The following PDE4D variants were observed in gnomAD, a reference collection of about 807,000 sequenced individuals.
PDE4D encodes phosphodiesterase 4D.
In PDE4D, 24 loss-of-function variants were observed where a neutral mutation model predicts 87.4. That is an observed-to-expected ratio of 0.27 (90% confidence interval 0.20 to 0.39). PDE4D has a LOEUF of 0.39. Among genes scored for constraint, PDE4D ranks in the 10% least tolerant of loss-of-function variants. The probability of loss-of-function intolerance (pLI) is 1.00; values close to 1 mark genes in which losing one functional copy is unlikely to be tolerated. For synonymous variants in PDE4D, 384 were observed against 383.2 expected (o/e 1.00, Z -0.02); for missense variants, 714 against 1,041.0 (o/e 0.69, Z 4.32).
intron 1 of PDE4D, among the ~76,000 whole-genome samples, chr5:60,378,717 G>A (rs1194285904): frequency 6.6e-6 from 1 of 151,984 alleles, no homozygotes; most frequent in African/African-American, 2.4e-5. Flanking sequence ...CCAGGGCATG[G>A]TGGTGCCCAT....
chr5:60,185,106 A>AC (rs1784678813), intron 2 of PDE4D, among the ~76,000 whole-genome samples: 1 of 152,204 alleles, frequency 6.6e-6, no homozygotes, highest in African/African-American at 2.4e-5. Context: ...AGAAGAAATT[A>AC]GAGATATATG....
chr5:60,123,368 C>T (rs1778855989), intron 2 of PDE4D, among the ~76,000 whole-genome samples: 1 of 152,128 alleles, frequency 6.6e-6, no homozygotes, highest in African/African-American at 2.4e-5. Flanking sequence ...TGGACTTACA[C>T]TTCCACATGG....
chr5:59,600,270 C>T (rs1277135715), intron 1 of PDE4D, among the ~76,000 whole-genome samples: 1 of 152,192 alleles, frequency 6.6e-6, no homozygotes, highest in Non-Finnish European at 1.5e-5. Context: ...CACGGCACTA[C>T]TCAGTTCTCT....
At chr5:59,541,679 T>G (rs181430640) in intron 1 of PDE4D, among the ~76,000 whole-genome samples, 1 of 152,202 alleles carries the variant, frequency 6.6e-6, no homozygotes, top group African/African-American at 2.4e-5. Flanking sequence ...ACATATATTA[T>G]CAATGGGATT....
chr5:58,978,475 A>G (rs1744337596), intron 11 of PDE4D, among the ~76,000 whole-genome samples: 1 of 151,842 alleles, frequency 6.6e-6, no homozygotes, highest in African/African-American at 2.4e-5. Flanking sequence ...CTTTTTTCTA[A>G]CGAATGCATA....
chr5:60,510,631 T>C (rs944089279), intron 1 of PDE4D, among the ~76,000 whole-genome samples: 29 of 152,150 alleles, frequency 1.9e-4, no homozygotes, highest in Non-Finnish European at 4.0e-4. Context: ...GTGATACAGC[T>C]GGAAGGGCAA....
chr5:60,510,178 C>T (rs1381717039), intron 1 of PDE4D, among the ~76,000 whole-genome samples: 1 of 152,194 alleles, frequency 6.6e-6, no homozygotes, highest in Non-Finnish European at 1.5e-5. Flanking sequence ...TAAGCAGCAG[C>T]TGCTGGGAGA....
chr5:59,916,323 G>A (rs992137504), intron 3 of PDE4D, among the ~76,000 whole-genome samples: 4 of 152,100 alleles, frequency 2.6e-5, no homozygotes, highest in African/African-American at 4.8e-5. Context: ...ATATACAACC[G>A]TATTACAAGA....
At chr5:60,238,513 T>C (rs1263123420) in intron 1 of PDE4D, among the ~76,000 whole-genome samples, 1 of 152,010 alleles carries the variant, frequency 6.6e-6, no homozygotes, top group East Asian at 1.9e-4. Flanking sequence ...GTTTTACCAA[T>C]TTATTCTTAT....
chr5:60,312,309 C>A (rs1755116305), intron 1 of PDE4D, among the ~76,000 whole-genome samples: 1 of 152,196 alleles, frequency 6.6e-6, no homozygotes, highest in South Asian at 2.1e-4. Flanking sequence ...TAAAACAATT[C>A]TTAGCAAGTT....
At chr5:59,189,742 A>C (rs1743894860) in intron 3 of PDE4D, among the ~76,000 whole-genome samples, 1 of 152,224 alleles carries the variant, frequency 6.6e-6, no homozygotes, top group African/African-American at 2.4e-5. Flanking sequence ...CCACACCAAA[A>C]GATTTCAACA....
intron 1 of PDE4D, among the ~76,000 whole-genome samples, chr5:60,297,574 T>C (rs1045414261): frequency 7.2e-5 from 11 of 152,212 alleles, no homozygotes; most frequent in African/African-American, 2.4e-4. Context: ...AACTCAATCT[T>C]CTGGGAGAAA....
At chr5:60,049,011 C>T (rs1769718221) in intron 2 of PDE4D, among the ~76,000 whole-genome samples, 1 of 152,170 alleles carries the variant, frequency 6.6e-6, no homozygotes, top group African/African-American at 2.4e-5. Flanking sequence ...ACCAATCAGA[C>T]ATAGATTTGG....
rs117928687 is a variant in PDE4D at position 60,467,744 on chromosome 5, G to T, written c.-90+20198C>A. Among the ~76,000 whole-genome samples, 471 of 152,290 alleles carry T rather than the reference G, an allele frequency of 3.1e-3. 3 individuals carry two copies. Among genetic ancestry groups the T allele is most frequent in the East Asian group, 0.015 (80 of 5,184 alleles). On this transcript the variant is annotated intron_variant, in intron 1 of 16. Transcript: ENST00000502484. ...GCTTAACAGGAAGCATGACTTGGGG[G>T]TCTCAGGAAACTTATGATTGTGATG...
intron 1 of PDE4D, among the ~76,000 whole-genome samples, chr5:59,380,716 CA>C (rs1484076744): frequency 6.6e-6 from 1 of 151,076 alleles, no homozygotes; most frequent in African/African-American, 2.5e-5. Context: ...TCCAGTTGAA[CA>C]ACATTTCATT....
chr5:60,301,409 T>C (rs1753882062), intron 1 of PDE4D, among the ~76,000 whole-genome samples: 1 of 152,232 alleles, frequency 6.6e-6, no homozygotes, highest in Non-Finnish European at 1.5e-5. Flanking sequence ...TAGTTCTCCT[T>C]GAAGAGGTCC....
intron 5 of PDE4D, among the ~76,000 whole-genome samples, chr5:59,119,480 T>C (rs1258142108): frequency 6.6e-6 from 1 of 152,210 alleles, no homozygotes; most frequent in African/African-American, 2.4e-5. Flanking sequence ...CATAGCCTAA[T>C]TTCATGAAAG....
intron 1 of PDE4D, among the ~76,000 whole-genome samples, chr5:59,882,651 C>G (rs1280077432): frequency 6.6e-6 from 1 of 151,976 alleles, no homozygotes; most frequent in African/African-American, 2.4e-5. Flanking sequence ...CTACATTTTG[C>G]AACTAGATTA....
At chr5:60,184,675 A>G (rs749191226) in intron 2 of PDE4D, among the ~76,000 whole-genome samples, 8 of 152,208 alleles carry the variant, frequency 5.3e-5, no homozygotes, top group Non-Finnish European at 8.8e-5. Flanking sequence ...TAAAAGCTGG[A>G]TGGTAACTCC....
Sources: allele counts gnomAD v4.1 joint callset (sites outside exome capture counted in the v4.1 genomes callset), GRCh38; gene constraint gnomAD v4.1.1; transcripts MANE v1.5; gene names NCBI Gene and HGNC (gene_info 2026-07-23, HGNC 2026-07-21).